PITPNC1: variants seen among roughly 807,000 people sequenced by gnomAD.
PITPNC1 encodes the protein cytoplasmic phosphatidylinositol transfer protein 1.
A neutral mutation model predicts 44.7 loss-of-function variants in PITPNC1; 18 were observed. The ratio of observed to expected loss-of-function variants is 0.40; its 90% CI spans 0.28 to 0.60. The LOEUF (loss-of-function observed/expected upper bound fraction) is 0.60. Ranked by LOEUF, PITPNC1 falls within the 20% of genes least tolerant of loss-of-function variation. The pLI is 0.39. For missense variants in PITPNC1, 290 were observed against 418.4 expected (o/e 0.69, Z 2.68); for synonymous variants, 141 against 149.6 (o/e 0.94, Z 0.42).
intron 1 of PITPNC1, among the ~76,000 whole-genome samples, chr17:67,396,063 C>A (rs1174494677): frequency 6.6e-6 from 1 of 152,168 alleles, no homozygotes; most frequent in Non-Finnish European, 1.5e-5. Flanking sequence ...TTTTCAGCAG[C>A]ATGACTTATA....
chr17:67,585,160 A>G (rs1156825142), intron 5 of PITPNC1, among the ~76,000 whole-genome samples: 2 of 151,920 alleles, frequency 1.3e-5, no homozygotes, highest in African/African-American at 4.8e-5. Flanking sequence ...CCCTCCATTA[A>G]TCATGGAGTA....
intron 1 of PITPNC1, among the ~76,000 whole-genome samples, chr17:67,427,170 G>C (rs2038778575): frequency 6.6e-6 from 1 of 151,958 alleles, no homozygotes; most frequent in Non-Finnish European, 1.5e-5. Flanking sequence ...TGAGACCCTG[G>C]CTACTTTCTT....
chr17:67,675,446 C>T, intron 7 of PITPNC1, 33 bp from the exon 8 acceptor site: 1 of 1,415,726 alleles, frequency 7.1e-7, no homozygotes, highest in Non-Finnish European at 1.0e-6. Flanking sequence ...ATCAAAGATG[C>T]TATTATTTCA....
At position 67,651,915 on chromosome 17, in the gene PITPNC1, T is replaced by C. The variant is rs73997209; in HGVS notation, c.463-17593T>C. Among the ~76,000 whole-genome samples, 433 of 152,294 alleles carry C rather than the reference T, an allele frequency of 2.8e-3. 2 individuals carry two copies. Among genetic ancestry groups the C allele is most frequent in the African/African-American group, 0.01 (422 of 41,554 alleles). ...AATTCAGGGCTAAACTTTACTTTCA[T>C]TGGAGGGGAATGAGAATGAGATCTG... On this transcript the variant is annotated intron_variant, in intron 6 of 8. Transcript: ENST00000581322.
At chr17:67,684,238 A>C (rs2042772541) in intron 8 of PITPNC1, among the ~76,000 whole-genome samples, 1 of 150,508 alleles carries the variant, frequency 6.6e-6, no homozygotes, top group South Asian at 2.1e-4. Context: ...CAGCCTCCTG[A>C]GTAGCTGGGG....
intron 6 of PITPNC1, among the ~76,000 whole-genome samples, chr17:67,641,512 G>A (rs2144350774): frequency 6.6e-6 from 1 of 152,124 alleles, no homozygotes; most frequent in African/African-American, 2.4e-5. Flanking sequence ...ATATGCCAGT[G>A]AAGGCCAGGT....
At chr17:67,679,189 G>T (rs894409471) in intron 8 of PITPNC1, among the ~76,000 whole-genome samples, 1 of 152,248 alleles carries the variant, frequency 6.6e-6, no homozygotes, top group Non-Finnish European at 1.5e-5. Context: ...GTTAACTAGA[G>T]AATCATAGCT....
rs113442474 is a variant in PITPNC1 at position 67,616,790 on chromosome 17, G to A, written c.367-15353G>A. On this transcript the variant is annotated intron_variant, in intron 5 of 8. Coordinates refer to ENST00000581322, the MANE Select transcript of PITPNC1 (RefSeq NM_012417.4). Reference sequence around the variant, plus strand: ...GATCTCTGCCTCACCACTTTCCCAGGCAGCCTCTGCTTTTTCATCTTACTG... The same window carrying A: ...GATCTCTGCCTCACCACTTTCCCAGACAGCCTCTGCTTTTTCATCTTACTG... Among the ~76,000 whole-genome samples, 629 of 152,190 alleles carry A rather than the reference G, an allele frequency of 4.1e-3. 2 individuals carry two copies. The highest frequency in any genetic ancestry group is 0.014 in the African/African-American group (584 of 41,512).
intron 1 of PITPNC1, among the ~76,000 whole-genome samples, chr17:67,409,563 A>G (rs1287339286): frequency 2.0e-5 from 3 of 149,216 alleles, no homozygotes; most frequent in South Asian, 2.1e-4. Context: ...GGCGGGGCGG[A>G]GTTTCACTCT....
chr17:67,599,012 ATATATATATATATATATATATATT>A lies in PITPNC1; in HGVS notation c.366+20757_366+20780del, dbSNP rs1430695476. Among the ~76,000 whole-genome samples, 106 of 18,968 alleles carry A rather than the reference ATATATATATATATATATATATATT, an allele frequency of 5.6e-3. 7 individuals carry two copies. The highest frequency in any genetic ancestry group is 5.2e-3 in the Non-Finnish European group (31 of 5,924). 12.4% of individuals were successfully genotyped at this position (18,968 alleles called of 152,430 possible). A position where few individuals can be genotyped will look rare whatever the true frequency, so the allele number is the denominator to read the frequency against. On this transcript the variant is annotated intron_variant, in intron 5 of 8. Transcript: ENST00000581322. Reference sequence around the variant, plus strand: ...AACTATAAGAAATACATATATATATATATATATATATATATATATATATTTTTTTTTTTTTTTTTTTTACCATGT... The same window carrying A: ...AACTATAAGAAATACATATATATATATTTTTTTTTTTTTTTTTTACCATGT...
intron 1 of PITPNC1, among the ~76,000 whole-genome samples, chr17:67,519,495 A>T (rs892469600): frequency 9.2e-5 from 14 of 152,054 alleles, no homozygotes; most frequent in Admixed American, 3.3e-4. Context: ...GATTTTTTTT[A>T]AATGTAGCAA....
chr17:67,411,270 A>G (rs929698106), intron 1 of PITPNC1, among the ~76,000 whole-genome samples: 8 of 152,090 alleles, frequency 5.3e-5, no homozygotes, highest in Admixed American at 5.2e-4. Flanking sequence ...GGGTTGAAGG[A>G]TGCAGAATTG....
chr17:67,420,501 C>T (rs183297118), intron 1 of PITPNC1, among the ~76,000 whole-genome samples: 304 of 150,910 alleles, frequency 2.0e-3, no homozygotes, highest in Non-Finnish European at 3.2e-3. Flanking sequence ...GGCGCTATCT[C>T]GGCTCACTGC....
chr17:67,501,981 G>A (rs1315582008), intron 1 of PITPNC1, among the ~76,000 whole-genome samples: 1 of 152,212 alleles, frequency 6.6e-6, no homozygotes, highest in African/African-American at 2.4e-5. Flanking sequence ...CTATTAGTGA[G>A]TATTAAATTA....
intron 1 of PITPNC1, among the ~76,000 whole-genome samples, chr17:67,407,492 A>G (rs960851009): frequency 6.6e-6 from 1 of 152,198 alleles, no homozygotes; most frequent in Non-Finnish European, 1.5e-5. Flanking sequence ...TTTAAAACAC[A>G]AAAGTTTTAA....
At chr17:67,391,096 T>A (rs950236784) in intron 1 of PITPNC1, among the ~76,000 whole-genome samples, 4 of 151,960 alleles carry the variant, frequency 2.6e-5, no homozygotes, top group Non-Finnish European at 5.9e-5. Context: ...TTTAATCTTT[T>A]TAAGTTTGGG....
At chr17:67,626,819 G>GA (rs35662161) in intron 5 of PITPNC1, among the ~76,000 whole-genome samples, 3,273 of 117,724 alleles carry the variant, frequency 0.028, 34 homozygotes, top group Middle Eastern at 0.04. Context: ...TCAGACTCAT[G>GA]AAAAAAAAAA....
At chr17:67,393,067 T>C (rs924303809) in intron 1 of PITPNC1, among the ~76,000 whole-genome samples, 2 of 151,508 alleles carry the variant, frequency 1.3e-5, no homozygotes, top group Non-Finnish European at 2.9e-5. Flanking sequence ...GAGGCAGAGG[T>C]TGTGGTGAGT....
At chr17:67,462,225 CTTTTTT>C (rs549707875) in intron 1 of PITPNC1, among the ~76,000 whole-genome samples, 12 of 71,240 alleles carry the variant, frequency 1.7e-4, no homozygotes, top group African/African-American at 4.4e-4. Flanking sequence ...TTCTTTCTTT[CTTTTTT>C]TTTTTTTTTT....
Sources: allele counts gnomAD v4.1 joint callset (sites outside exome capture counted in the v4.1 genomes callset), GRCh38; gene constraint gnomAD v4.1.1; transcripts MANE v1.5; gene names NCBI Gene and HGNC (gene_info 2026-07-23, HGNC 2026-07-21).